The following BMPR2 variants were observed in gnomAD, a reference collection of about 807,000 sequenced individuals.
BMPR2 encodes the protein bone morphogenetic protein receptor type-2.
A neutral mutation model predicts 100.8 loss-of-function variants in BMPR2; 29 were observed. The observed-to-expected ratio is 0.29, with a 90% CI of 0.21 to 0.39. The LOEUF (loss-of-function observed/expected upper bound fraction) is 0.39, where lower values mean the gene tolerates loss of function less well. Among genes scored for constraint, BMPR2 ranks in the 10% least tolerant of loss-of-function variants. The pLI, the probability that BMPR2 is intolerant of heterozygous loss-of-function variation, is 1.00. For synonymous variants in BMPR2, 382 were observed against 442.3 expected (o/e 0.86, Z 1.71); for missense variants, 1,011 against 1,274.5 (o/e 0.79, Z 3.15).
In BMPR2 at chr2:202,520,152, T is replaced by C. The variant is rs373033478; in HGVS notation, c.918T>C (p.His306=). 1.2e-6 allele frequency: 2 copies of C among 1,614,006 alleles called. No individual in the cohort carries two copies. The highest frequency in any genetic ancestry group is 1.7e-6 in the Non-Finnish European group (2 of 1,179,954). Residue 306 remains histidine (H), a synonymous_variant, in exon 7 of 13, where the codon CAT becomes CAC. Transcript: ENST00000374580. ...SDWVSSCRLA[H]SVTRGLAYLH... Reference sequence around the variant, plus strand: ...GGGTAAGCTCTTGCCGTCTTGCTCATTCTGTTACTAGAGGACTGGCTTATC... The same window carrying C: ...GGGTAAGCTCTTGCCGTCTTGCTCACTCTGTTACTAGAGGACTGGCTTATC...
chr2:202,393,997 C>G (rs1350013235), intron 1 of BMPR2, among the ~76,000 whole-genome samples: 1 of 149,302 alleles, frequency 6.7e-6, no homozygotes, highest in Non-Finnish European at 1.5e-5. Context: ...GTTGGAGGAG[C>G]AGTGAATTTC....
intron 1 of BMPR2, among the ~76,000 whole-genome samples, chr2:202,385,172 C>G (rs564725952): frequency 6.6e-6 from 1 of 151,402 alleles, no homozygotes; most frequent in African/African-American, 2.4e-5. Flanking sequence ...TGTGTTCAGT[C>G]TTTGCTTTTG....
At chr2:202,409,957 C>G (rs1354281459) in intron 1 of BMPR2, among the ~76,000 whole-genome samples, 2 of 152,092 alleles carry the variant, frequency 1.3e-5, no homozygotes, top group East Asian at 3.9e-4. Context: ...GTAGCAGTGA[C>G]CACAATAGTG....
chr2:202,395,387 T>C (rs1307868336), intron 1 of BMPR2, among the ~76,000 whole-genome samples: 1 of 152,226 alleles, frequency 6.6e-6, no homozygotes, highest in African/African-American at 2.4e-5. Context: ...CTATTCTTGA[T>C]CAATTCTGTT....
In BMPR2 at chr2:202,567,001, G is replaced by A. The variant is rs958142046; in HGVS notation, c.*7055G>A. The A allele has an allele frequency of 1.3e-5, 2 of 152,160 alleles. No individual in the cohort carries two copies. Among genetic ancestry groups the A allele is most frequent in the Non-Finnish European group, 2.9e-5 (2 of 68,004 alleles). 9.4% of individuals were successfully genotyped at this position (152,160 alleles called of 1,614,324 possible). Reference sequence around the variant, plus strand: ...GTCCCAGTTTAACACTGAATTGCTTGACTTCTGTGGCTTTTCTTTTTCTGG... The same window carrying A: ...GTCCCAGTTTAACACTGAATTGCTTAACTTCTGTGGCTTTTCTTTTTCTGG... On this transcript the variant is annotated 3_prime_UTR_variant, in exon 13 of 13. Transcript: ENST00000374580.
chr2:202,508,452 C>T (rs1328386045), intron 3 of BMPR2, among the ~76,000 whole-genome samples: 1 of 152,142 alleles, frequency 6.6e-6, no homozygotes, highest in African/African-American at 2.4e-5. Flanking sequence ...TACAATGCCA[C>T]AAATATGATA....
intron 1 of BMPR2, among the ~76,000 whole-genome samples, chr2:202,384,530 C>CTCTTTCTTTCTTTCTTTCTT (rs202188126): frequency 2.1e-4 from 23 of 107,706 alleles, no homozygotes; most frequent in Middle Eastern, 4.3e-3. Flanking sequence ...TTCTTTCTTT[C>CTCTTTCTTTCTTTCTTTCTT]TCTTTCTTTC....
chr2:202,560,629 C>G lies in BMPR2; in HGVS notation c.*683C>G, dbSNP rs982046265. The G allele has an allele frequency of 6.5e-6, 1 of 152,722 alleles. No individual in the cohort carries two copies. Among genetic ancestry groups the G allele is most frequent in the Non-Finnish European group, 1.5e-5 (1 of 68,126 alleles). The allele number at this position is 152,722 out of a possible 1,614,324, so 9.5% of individuals were successfully genotyped here. A position where few individuals can be genotyped will look rare whatever the true frequency, so the allele number is the denominator to read the frequency against. ...AGCTACCTGATTTCTTACTTTCTCTCTCCTTATCATGGAGAATACAGAAAC... is the reference window on the plus strand; with the variant it reads ...AGCTACCTGATTTCTTACTTTCTCTGTCCTTATCATGGAGAATACAGAAAC... On this transcript the variant is annotated 3_prime_UTR_variant, in exon 13 of 13. Coordinates refer to ENST00000374580, the MANE Select transcript of BMPR2 (RefSeq NM_001204.7).
chr2:202,458,504 T>G (rs963960948), intron 1 of BMPR2, among the ~76,000 whole-genome samples: 3 of 152,056 alleles, frequency 2.0e-5, no homozygotes, highest in Non-Finnish European at 4.4e-5. Flanking sequence ...AAATGCTTAA[T>G]TCTCTTATAG....
intron 10 of BMPR2, among the ~76,000 whole-genome samples, chr2:202,546,718 C>T (rs943593614): frequency 1.3e-5 from 2 of 152,148 alleles, no homozygotes; most frequent in African/African-American, 4.8e-5. Flanking sequence ...ATTTTTCTGG[C>T]TCTGCCTCCC....
intron 3 of BMPR2, among the ~76,000 whole-genome samples, chr2:202,509,644 T>A (rs771022060): frequency 1.3e-5 from 2 of 151,896 alleles, no homozygotes; most frequent in Non-Finnish European, 2.9e-5. Flanking sequence ...TTCAGGTTTT[T>A]CCAAAATCTA....
chr2:202,450,362 T>C (rs968397113), intron 1 of BMPR2, among the ~76,000 whole-genome samples: 7 of 152,194 alleles, frequency 4.6e-5, no homozygotes, highest in Admixed American at 2.0e-4. Context: ...AAGGGATGAA[T>C]ATTTTATTTT....
intron 1 of BMPR2, among the ~76,000 whole-genome samples, chr2:202,380,393 TGTTA>T (rs1690256613): frequency 6.6e-6 from 1 of 152,200 alleles, no homozygotes; most frequent in African/African-American, 2.4e-5. Flanking sequence ...ATTAATCTAA[TGTTA>T]GTGAATATTA....
At chr2:202,395,163 T>C (rs993601247) in intron 1 of BMPR2, among the ~76,000 whole-genome samples, 8 of 151,982 alleles carry the variant, frequency 5.3e-5, no homozygotes, top group South Asian at 2.1e-4. Flanking sequence ...ATTACAGGCA[T>C]GCGCCACCAC....
intron 1 of BMPR2, among the ~76,000 whole-genome samples, chr2:202,449,098 C>T (rs1691920888): frequency 1.3e-5 from 2 of 151,624 alleles, no homozygotes; most frequent in African/African-American, 4.8e-5. Context: ...CAGGCGAGGT[C>T]GGGAGTTCGA....
chr2:202,392,183 G>C (rs546545999), intron 1 of BMPR2, among the ~76,000 whole-genome samples: 8 of 151,514 alleles, frequency 5.3e-5, no homozygotes, highest in Admixed American at 2.0e-4. Flanking sequence ...CGATTCTCCT[G>C]CCTCTGCCTC....
At chr2:202,528,814 A>G (rs576964327) in intron 7 of BMPR2, among the ~76,000 whole-genome samples, 1 of 152,346 alleles carries the variant, frequency 6.6e-6, no homozygotes, top group South Asian at 2.1e-4. Flanking sequence ...AAATCAAACC[A>G]TCTGTAAGTG....
At chr2:202,533,724 G>A (rs1688070462) in intron 9 of BMPR2, among the ~76,000 whole-genome samples, 2 of 152,082 alleles carry the variant, frequency 1.3e-5, no homozygotes, top group African/African-American at 4.8e-5. Context: ...TCGGGAGGCT[G>A]GGGCAGAGGA....
chr2:202,445,056 C>A (rs1333298645), intron 1 of BMPR2, among the ~76,000 whole-genome samples: 1 of 150,018 alleles, frequency 6.7e-6, no homozygotes. Context: ...CCAAAGTGCT[C>A]GGATTACGGG....
Sources: gnomAD v4.1 joint callset for allele counts (sites outside exome capture counted in the v4.1 genomes callset) on GRCh38, gnomAD v4.1.1 for gene constraint, MANE v1.5 for transcripts, NCBI Gene and HGNC (gene_info 2026-07-23, HGNC 2026-07-21) for gene names.